IP6K1: variants seen among roughly 807,000 people sequenced by gnomAD.
The protein encoded by IP6K1 is ATP:1D-myo-inositol-hexakisphosphate phosphotransferase.
IP6K1 carries 13 observed loss-of-function variants against 38.3 expected under a neutral mutation model. The observed-to-expected ratio is 0.34, with a 90% CI of 0.22 to 0.54. The LOEUF (loss-of-function observed/expected upper bound fraction) is 0.54. Ranked by LOEUF, IP6K1 falls within the 20% of genes least tolerant of loss-of-function variation. The pLI, the probability that IP6K1 is intolerant of heterozygous loss-of-function variation, is 0.92. For missense variants in IP6K1, 397 were observed against 599.8 expected, an observed-to-expected ratio of 0.66 and a Z score of 3.53; for synonymous variants, 212 against 229.9, an observed-to-expected ratio of 0.92 and a Z score of 0.70.
intron 2 of IP6K1, among the ~76,000 whole-genome samples, chr3:49,739,745 C>T (rs1008103964): frequency 6.6e-6 from 1 of 152,102 alleles, no homozygotes; most frequent in African/African-American, 2.4e-5. Context: ...CCTCGAACTC[C>T]TGGACTCAAG....
At position 49,728,860 on chromosome 3, in the gene IP6K1, C is replaced by T. The variant is rs57601324; in HGVS notation, c.617-582G>A. Among the ~76,000 whole-genome samples, 741 of 152,210 alleles carry T rather than the reference C, an allele frequency of 4.9e-3. 8 individuals carry two copies. The highest frequency in any genetic ancestry group is 0.017 in the African/African-American group (699 of 41,530). The stretch of plus-strand genomic sequence containing the variant: ...AAAGTGCTGGGATTACAGGTGTGAG[C>T]CACCACGCCCAGCTAGAACTTTTTC... On this transcript the variant is annotated intron_variant, in intron 4 of 5. Coordinates refer to ENST00000321599, the MANE Select transcript of IP6K1 (RefSeq NM_153273.4).
intron 2 of IP6K1, among the ~76,000 whole-genome samples, chr3:49,746,231 A>G (rs2080719991): frequency 6.6e-6 from 1 of 151,730 alleles, no homozygotes; most frequent in Non-Finnish European, 1.5e-5. Context: ...AAAAGCAGTG[A>G]CTCATATGGA....
At chr3:49,785,901 T>G (rs2081108694) in intron 1 of IP6K1, 2 of 152,382 alleles carry the variant, frequency 1.3e-5, no homozygotes, top group Admixed American at 1.3e-4. Flanking sequence ...GACACCGGCC[T>G]GCCTGGCTCG....
At chr3:49,767,582 AAATAATAATAAT>A in intron 1 of IP6K1, among the ~76,000 whole-genome samples, 1 of 151,430 alleles carries the variant, frequency 6.6e-6, no homozygotes, top group Non-Finnish European at 1.5e-5. Flanking sequence ...CCATCTCAAA[AAATAATAATAAT>A]AATAACAACA....
At chr3:49,749,744 CTATG>C (rs949277794) in intron 1 of IP6K1, among the ~76,000 whole-genome samples, 2 of 152,034 alleles carry the variant, frequency 1.3e-5, no homozygotes, top group African/African-American at 4.8e-5. Flanking sequence ...AGGCAGCTAG[CTATG>C]TTTTATTTCA....
chr3:49,752,415 G>A (rs1334112277), intron 1 of IP6K1, among the ~76,000 whole-genome samples: 1 of 151,724 alleles, frequency 6.6e-6, no homozygotes, highest in South Asian at 2.1e-4. Context: ...GTGGAACCTG[G>A]GAGGCAGAGC....
chr3:49,748,086 T>C lies in IP6K1; in HGVS notation c.-46A>G. On this transcript the variant is annotated 5_prime_UTR_variant, in exon 2 of 6. It removes an upstream start codon present in the reference 5' UTR. Coordinates refer to ENST00000321599, the MANE Select transcript of IP6K1 (RefSeq NM_153273.4). The stretch of plus-strand genomic sequence containing the variant: ...CACTGAGGGCAGAGGATGCAGCACA[T>C]GGGCCACAAAAGGAGAGCTACATAG... The C allele has an allele frequency of 1.2e-6, 2 of 1,605,986 alleles. No homozygotes were observed. Among genetic ancestry groups the C allele is most frequent in the Non-Finnish European group, 1.7e-6 (2 of 1,174,778 alleles).
intron 1 of IP6K1, among the ~76,000 whole-genome samples, chr3:49,749,507 C>T (rs2080753134): frequency 6.6e-6 from 1 of 152,120 alleles, no homozygotes; most frequent in Non-Finnish European, 1.5e-5. Context: ...ATTAGTAGAG[C>T]AGGAATATGG....
At chr3:49,760,037 G>C (rs866278983) in intron 1 of IP6K1, among the ~76,000 whole-genome samples, 2 of 152,054 alleles carry the variant, frequency 1.3e-5, no homozygotes, top group Non-Finnish European at 2.9e-5. Context: ...TGAGTGGCTG[G>C]GACTACAGGC....
intron 1 of IP6K1, among the ~76,000 whole-genome samples, chr3:49,772,107 A>G (rs1428184000): frequency 6.6e-6 from 1 of 151,736 alleles, no homozygotes; most frequent in Non-Finnish European, 1.5e-5. Context: ...CTACTTGGGA[A>G]GCTGAGGTGG....
At chr3:49,747,689 A>C in intron 2 of IP6K1, 129 bp downstream of exon 2, 1 of 1,224,004 alleles carries the variant, frequency 8.2e-7, no homozygotes, top group Admixed American at 2.5e-5. Flanking sequence ...TTTATCTAAC[A>C]AAGTGACTTC....
chr3:49,763,350 C>G (rs1375675718), intron 1 of IP6K1, among the ~76,000 whole-genome samples: 1 of 151,884 alleles, frequency 6.6e-6, no homozygotes, highest in Non-Finnish European at 1.5e-5. Flanking sequence ...CGTGATCCAC[C>G]CGCCTCGGGC....
At chr3:49,770,935 A>G in intron 1 of IP6K1, among the ~76,000 whole-genome samples, 1 of 151,824 alleles carries the variant, frequency 6.6e-6, no homozygotes, top group East Asian at 1.9e-4. Context: ...ATATGCTGAG[A>G]CCTCCGTTGC....
intron 1 of IP6K1, chr3:49,775,201 G>A (rs1368907020): frequency 6.3e-6 from 1 of 158,716 alleles, no homozygotes; most frequent in African/African-American, 2.4e-5. Context: ...TCACCAACAA[G>A]GCCAGGCGCA....
intron 1 of IP6K1, among the ~76,000 whole-genome samples, chr3:49,770,983 G>A (rs1470181490): frequency 6.6e-6 from 1 of 151,816 alleles, no homozygotes; most frequent in Non-Finnish European, 1.5e-5. Context: ...GCTGGGCATG[G>A]TAGTATGCAC....
intron 1 of IP6K1, among the ~76,000 whole-genome samples, chr3:49,757,030 T>C (rs947085083): frequency 6.6e-6 from 1 of 152,078 alleles, no homozygotes; most frequent in Non-Finnish European, 1.5e-5. Context: ...AAAGCACACA[T>C]GTAGAAGGAT....
At chr3:49,730,878 G>A (rs902473863) in intron 4 of IP6K1, among the ~76,000 whole-genome samples, 2 of 152,152 alleles carry the variant, frequency 1.3e-5, no homozygotes, top group South Asian at 2.1e-4. Context: ...CACTACACCT[G>A]GCTAATTTTG....
At chr3:49,779,442 T>C (rs2081046442) in intron 1 of IP6K1, among the ~76,000 whole-genome samples, 1 of 152,232 alleles carries the variant, frequency 6.6e-6, no homozygotes, top group Admixed American at 6.5e-5. Context: ...TACAAGTTTT[T>C]GTGTGAACAT....
chr3:49,773,673 T>G (rs562356753), intron 1 of IP6K1, among the ~76,000 whole-genome samples: 14 of 152,144 alleles, frequency 9.2e-5, no homozygotes, highest in Non-Finnish European at 1.6e-4. Flanking sequence ...TCTTCCCAAA[T>G]AGAGAAGAAG....
Sources: gnomAD v4.1 joint callset for allele counts (sites outside exome capture counted in the v4.1 genomes callset) on GRCh38, gnomAD v4.1.1 for gene constraint, MANE v1.5 for transcripts, NCBI Gene and HGNC (gene_info 2026-07-23, HGNC 2026-07-21) for gene names.